The following CERS6 variants were observed in gnomAD, a reference collection of about 807,000 sequenced individuals.
CERS6 encodes the protein LAG1 homolog, ceramide synthase 6.
A neutral mutation model predicts 56.8 loss-of-function variants in CERS6; 26 were observed. That is an observed-to-expected ratio of 0.46 (90% CI 0.34 to 0.63). CERS6 has a LOEUF of 0.63. Ranked by LOEUF, CERS6 falls within the 30% of genes least tolerant of loss-of-function variation. The pLI is 0.01. For missense variants in CERS6, 415 were observed against 467.5 expected (o/e 0.89, Z 1.04); for synonymous variants, 164 against 173.3 (o/e 0.95, Z 0.42).
In CERS6 at chr2:168,760,264, C is replaced by G. The variant is rs144718820; in HGVS notation, c.846-5328C>G. ...GCTTGAGGAGCAAGGAGAGCCAGTC[C>G]GAGTCTCAAAACTGAAGAACTCGGA... is the stretch of plus-strand genomic sequence containing the variant. On this transcript the variant is annotated intron_variant, in intron 8 of 9. Transcript: ENST00000305747. 8.5e-3 allele frequency among the ~76,000 whole-genome samples: 1,299 copies of G among 152,238 alleles called. 14 individuals carry two copies. Among genetic ancestry groups the G allele is most frequent in the African/African-American group, 0.029 (1,192 of 41,518 alleles).
chr2:168,561,354 G>T (rs754529294), intron 3 of CERS6, 32 bp downstream of exon 3: 2 of 1,613,438 alleles, frequency 1.2e-6, no homozygotes, highest in Admixed American at 1.7e-5. Flanking sequence ...TGAAAGAAAA[G>T]ACCTAAGTAC....
intron 3 of CERS6, among the ~76,000 whole-genome samples, chr2:168,568,815 C>T (rs1207458999): frequency 6.6e-6 from 1 of 152,154 alleles, no homozygotes; most frequent in Non-Finnish European, 1.5e-5. Context: ...AATGGCCACA[C>T]CATGCAAAAT....
intron 1 of CERS6, among the ~76,000 whole-genome samples, chr2:168,491,825 T>C (rs1350499889): frequency 5.9e-5 from 9 of 152,194 alleles, no homozygotes; most frequent in Non-Finnish European, 1.3e-4. Context: ...TGTGTCCATG[T>C]GTTCTCATTG....
rs1273992195 is a variant in CERS6 at position 168,772,203 on chromosome 2, A to G, written c.*2541A>G. The G allele has an allele frequency of 6.6e-6, 1 of 152,246 alleles. No homozygotes were observed. Among genetic ancestry groups the G allele is most frequent in the Non-Finnish European group, 1.5e-5 (1 of 68,036 alleles). The allele number at this position is 152,246 out of a possible 1,614,324, so 9.4% of individuals were successfully genotyped here. ...TTAGTCAGAATGCTGTTTTTCGTTA[A>G]TTAACTTAGCCTGTGTTGATATCTC... is the stretch of plus-strand genomic sequence containing the variant. On this transcript the variant is annotated 3_prime_UTR_variant, in exon 10 of 10. Coordinates refer to ENST00000305747, the MANE Select transcript of CERS6 (RefSeq NM_203463.3).
rs1695752127 is a variant in CERS6, at chr2:168,559,734, C to CTATATATATATATAT, written c.277-1458_277-1457insTATATATATATATAT. ...GCTTGAGCTGCTTTTAGAAAGGTAT[C>CTATATATATATATAT]ATATATATATATATATATATTTCAC... On this transcript the variant is annotated intron_variant, in intron 2 of 9. Coordinates refer to ENST00000305747, the MANE Select transcript of CERS6 (RefSeq NM_203463.3). 2.3e-5 allele frequency among the ~76,000 whole-genome samples: 2 copies of CTATATATATATATAT among 85,510 alleles called. 1 individual carries two copies. Among genetic ancestry groups the CTATATATATATATAT allele is most frequent in the African/African-American group, 7.7e-5 (2 of 25,810 alleles). 56.1% of individuals were successfully genotyped at this position (85,510 alleles called of 152,430 possible). A position where few individuals can be genotyped will look rare whatever the true frequency, so the allele number is the denominator to read the frequency against.
chr2:168,630,663 A>G (rs1684694417), intron 3 of CERS6, among the ~76,000 whole-genome samples: 1 of 152,166 alleles, frequency 6.6e-6, no homozygotes, highest in South Asian at 2.1e-4. Flanking sequence ...ATACCTTCAT[A>G]TTACCAAATC....
intron 3 of CERS6, among the ~76,000 whole-genome samples, chr2:168,612,827 T>G (rs141024630): frequency 3.3e-5 from 5 of 152,308 alleles, no homozygotes; most frequent in African/African-American, 9.6e-5. Flanking sequence ...GCAAGCAACC[T>G]CCTGTGTAGA....
chr2:168,736,495 AG>A (rs1410509999), intron 8 of CERS6, among the ~76,000 whole-genome samples: 1 of 151,900 alleles, frequency 6.6e-6, no homozygotes, highest in Admixed American at 6.6e-5. Context: ...CAGCTAATTA[AG>A]AAAAAAAAAT....
chr2:168,514,885 T>C (rs919605809), intron 1 of CERS6, among the ~76,000 whole-genome samples: 5 of 152,178 alleles, frequency 3.3e-5, no homozygotes, highest in Admixed American at 6.5e-5. Flanking sequence ...AATCATATAG[T>C]TCACTCGGCC....
chr2:168,656,470 A>G (rs1213486549), intron 4 of CERS6, among the ~76,000 whole-genome samples: 1 of 147,948 alleles, frequency 6.8e-6, no homozygotes, highest in Non-Finnish European at 1.5e-5. Context: ...ATGTGTTCGG[A>G]GTTTCTTCCT....
intron 3 of CERS6, among the ~76,000 whole-genome samples, chr2:168,572,194 A>G (rs549411211): frequency 1.2e-4 from 18 of 152,306 alleles, no homozygotes; most frequent in Admixed American, 2.6e-4. Context: ...ATGAAGTTGC[A>G]TATTTTCAGC....
chr2:168,604,821 G>C (rs1368842080), intron 3 of CERS6, among the ~76,000 whole-genome samples: 1 of 152,186 alleles, frequency 6.6e-6, no homozygotes, highest in Non-Finnish European at 1.5e-5. Context: ...TGTACAGCCT[G>C]TAGAACCATG....
intron 1 of CERS6, among the ~76,000 whole-genome samples, chr2:168,531,303 T>TA (rs1312963895): frequency 6.6e-6 from 1 of 152,184 alleles, no homozygotes; most frequent in Non-Finnish European, 1.5e-5. Context: ...TAGGGAAGAT[T>TA]AAAAAACAAC....
At chr2:168,669,868 C>G (rs1011592605) in intron 4 of CERS6, among the ~76,000 whole-genome samples, 1 of 152,128 alleles carries the variant, frequency 6.6e-6, no homozygotes, top group African/African-American at 2.4e-5. Context: ...ATAGGAACAG[C>G]AGATTTTCTT....
chr2:168,751,340 G>C (rs1307781550), intron 8 of CERS6, among the ~76,000 whole-genome samples: 1 of 152,162 alleles, frequency 6.6e-6, no homozygotes, highest in African/African-American at 2.4e-5. Context: ...CCAGAAGACA[G>C]AGCACTACTG....
At chr2:168,698,192 G>A (rs1398728419) in intron 6 of CERS6, among the ~76,000 whole-genome samples, 10 of 125,564 alleles carry the variant, frequency 8.0e-5, no homozygotes, top group Admixed American at 3.5e-4. Context: ...AGATGGCACC[G>A]CCGCACTCCA....
intron 6 of CERS6, among the ~76,000 whole-genome samples, chr2:168,703,573 A>C (rs1369105186): frequency 2.0e-5 from 3 of 151,302 alleles, no homozygotes; most frequent in Non-Finnish European, 4.4e-5. Context: ...ACAAACAAAC[A>C]AAAAAAAAGT....
chr2:168,758,802 C>CT (rs1684484833), intron 8 of CERS6, among the ~76,000 whole-genome samples: 1 of 152,214 alleles, frequency 6.6e-6, no homozygotes, highest in African/African-American at 2.4e-5. Flanking sequence ...CAGTGAAGGT[C>CT]TTTTTACACT....
rs1415686211 is a variant in CERS6 at position 168,677,977 on chromosome 2, AT to A, written c.466-13056del. Among the ~76,000 whole-genome samples the A allele has an allele frequency of 9.2e-5, 14 of 152,374 alleles. No homozygotes were observed. In the South Asian group the frequency reaches 2.7e-3, roughly 29 times the overall value. On this transcript the variant is annotated intron_variant, in intron 4 of 9. Transcript: ENST00000305747. Reference sequence around the variant, plus strand: ...ATCACTGGTCGTCAGAGAAATGCTAATCAAAACCACAATGAAATACCATCTC... The same window carrying A: ...ATCACTGGTCGTCAGAGAAATGCTAACAAAACCACAATGAAATACCATCTC...
Sources: gnomAD v4.1 joint callset for allele counts (sites outside exome capture counted in the v4.1 genomes callset) on GRCh38, gnomAD v4.1.1 for gene constraint, MANE v1.5 for transcripts, NCBI Gene and HGNC (gene_info 2026-07-23, HGNC 2026-07-21) for gene names.